DOCK4: variants seen among roughly 807,000 people sequenced by gnomAD.
The protein encoded by DOCK4 is dedicator of cytokinesis protein 4.
DOCK4 carries 97 observed loss-of-function variants against 268.1 expected under a neutral mutation model. The ratio of observed to expected loss-of-function variants is 0.36; its 90% CI spans 0.31 to 0.43. The LOEUF (loss-of-function observed/expected upper bound fraction) is 0.43, where lower values mean the gene tolerates loss of function less well. Ranked by LOEUF, DOCK4 falls within the 20% of genes least tolerant of loss-of-function variation. DOCK4 has a pLI of 1.00. For synonymous variants in DOCK4, 954 were observed against 887.2 expected (o/e 1.08, Z -1.34); for missense variants, 2,145 against 2,455.7 (o/e 0.87, Z 2.67).
chr7:111,905,844 G>A (rs1046808906), intron 13 of DOCK4, among the ~76,000 whole-genome samples: 5 of 152,098 alleles, frequency 3.3e-5, no homozygotes, highest in African/African-American at 1.2e-4. Flanking sequence ...TTAGATTACT[G>A]TTGATGATGT....
At chr7:111,916,036 A>G in intron 12 of DOCK4, 132 bp from the exon 13 acceptor site, 3 of 948,942 alleles carry the variant, frequency 3.2e-6, no homozygotes, top group Non-Finnish European at 4.7e-6. Context: ...GACGAAATCG[A>G]CAGAATCTAT....
chr7:112,163,062 G>A (rs1475015139), intron 1 of DOCK4, among the ~76,000 whole-genome samples: 1 of 152,090 alleles, frequency 6.6e-6, no homozygotes, highest in Non-Finnish European at 1.5e-5. Context: ...CAACTTTTAG[G>A]TGGGTTTTTC....
intron 12 of DOCK4, among the ~76,000 whole-genome samples, chr7:111,919,624 G>A (rs1792934121): frequency 6.6e-6 from 1 of 152,232 alleles, no homozygotes; most frequent in African/African-American, 2.4e-5. Context: ...AATGGGGGTT[G>A]AGGGGGAGGG....
At chr7:111,798,239 C>A (rs550277340) in intron 30 of DOCK4, among the ~76,000 whole-genome samples, 3 of 152,344 alleles carry the variant, frequency 2.0e-5, no homozygotes, top group African/African-American at 7.2e-5. Context: ...TCACTGGGTT[C>A]AGGACCAGTC....
At chr7:111,962,611 G>A (rs189555684) in intron 8 of DOCK4, among the ~76,000 whole-genome samples, 154 of 152,040 alleles carry the variant, frequency 1.0e-3, no homozygotes, top group African/African-American at 3.4e-3. Flanking sequence ...GATGTATTTC[G>A]GAATTCAGTA....
chr7:111,850,919 C>T (rs114576732), intron 23 of DOCK4, among the ~76,000 whole-genome samples: 2,418 of 152,230 alleles, frequency 0.016, 68 homozygotes, highest in African/African-American at 0.052. Flanking sequence ...TTCACACGGA[C>T]GCGTGTAACA....
intron 12 of DOCK4, among the ~76,000 whole-genome samples, chr7:111,933,205 T>TATATACACATATATACGC (rs1794373992): frequency 8.2e-5 from 12 of 145,472 alleles, no homozygotes; most frequent in Admixed American, 2.1e-4. Context: ...CATATATACG[T>TATATACACATATATACGC]ATATACACAT....
intron 1 of DOCK4, among the ~76,000 whole-genome samples, chr7:112,046,069 A>G (rs1247720134): frequency 6.6e-6 from 1 of 152,098 alleles, no homozygotes; most frequent in African/African-American, 2.4e-5. Flanking sequence ...TTAAATAACA[A>G]CTGTACAGAA....
intron 8 of DOCK4, among the ~76,000 whole-genome samples, chr7:111,960,162 G>C (rs983339553): frequency 1.3e-5 from 2 of 151,862 alleles, no homozygotes; most frequent in Admixed American, 6.6e-5. Flanking sequence ...TCAGGAGATG[G>C]AGACAATCCT....
Position 111,759,226 on chromosome 7 carries a change from T to C in DOCK4, c.4163-436A>G, listed in dbSNP as rs552222641. On this transcript the variant is annotated intron_variant, in intron 40 of 52. Transcript: ENST00000428084. ...GCTTATAATAACATGTAAATACCTA[T>C]GCAACCATGACCAAAGACAGAAACT... Among the ~76,000 whole-genome samples, 70 of 152,332 alleles carry C rather than the reference T, an allele frequency of 4.6e-4. 1 individual carries two copies. Among genetic ancestry groups the C allele is most frequent in the African/African-American group, 1.6e-3 (66 of 41,578 alleles).
intron 1 of DOCK4, among the ~76,000 whole-genome samples, chr7:112,037,404 A>G (rs959264911): frequency 3.3e-5 from 5 of 152,186 alleles, no homozygotes; most frequent in African/African-American, 1.2e-4. Flanking sequence ...TAGGATATAG[A>G]ATGTTACCAT....
At chr7:111,756,576 A>C (rs13232211) in intron 41 of DOCK4, among the ~76,000 whole-genome samples, 42,102 of 151,724 alleles carry the variant, frequency 0.28, 6,174 homozygotes, top group African/African-American at 0.33. Context: ...GGGACGAGCA[A>C]CCCCAGGACA....
intron 13 of DOCK4, among the ~76,000 whole-genome samples, chr7:111,909,452 G>A (rs1194042628): frequency 1.3e-5 from 2 of 152,208 alleles, no homozygotes; most frequent in East Asian, 3.9e-4. Flanking sequence ...TGACTTATTT[G>A]AACTATAAAG....
chr7:111,760,163 C>T lies in DOCK4; in HGVS notation c.4162+18G>A. 1 of 1,613,510 alleles carries T rather than the reference C, an allele frequency of 6.2e-7. No homozygotes were observed. On this transcript the variant is annotated intron_variant, in intron 40 of 52. Coordinates refer to ENST00000428084, the MANE Select transcript of DOCK4 (RefSeq NM_001363540.2). ...CCAGTGCAATCTCACTGAGTCCAGCCCTTGTAGGTGCGGATACACTGAGCT... is the reference window on the plus strand; with the variant it reads ...CCAGTGCAATCTCACTGAGTCCAGCTCTTGTAGGTGCGGATACACTGAGCT...
intron 1 of DOCK4, among the ~76,000 whole-genome samples, chr7:112,017,709 T>C (rs777897581): frequency 1.3e-5 from 2 of 152,108 alleles, no homozygotes; most frequent in African/African-American, 2.4e-5. Context: ...CAAGGGAACA[T>C]AGCTGCACTG....
At chr7:111,737,914 C>G (rs190233816) in intron 49 of DOCK4, among the ~76,000 whole-genome samples, 1 of 152,146 alleles carries the variant, frequency 6.6e-6, no homozygotes, top group African/African-American at 2.4e-5. Context: ...AAGACATCAG[C>G]GTTGTGCAGA....
chr7:112,006,721 CTT>C, intron 1 of DOCK4, among the ~76,000 whole-genome samples: 1 of 152,306 alleles, frequency 6.6e-6, no homozygotes, highest in East Asian at 1.9e-4. Context: ...TGGCATAGTA[CTT>C]ACCAAAGAAC....
At chr7:112,158,627 T>C (rs749259896) in intron 1 of DOCK4, among the ~76,000 whole-genome samples, 4 of 152,220 alleles carry the variant, frequency 2.6e-5, no homozygotes, top group Non-Finnish European at 4.4e-5. Flanking sequence ...TATTCATATA[T>C]AAGAAGTCTC....
intron 1 of DOCK4, among the ~76,000 whole-genome samples, chr7:112,200,388 A>T (rs530546983): frequency 8.2e-4 from 124 of 152,082 alleles, no homozygotes; most frequent in Non-Finnish European, 1.6e-3. Flanking sequence ...AGTCACTTAA[A>T]CTCTATGAAA....
Sources: gnomAD v4.1 joint callset for allele counts (sites outside exome capture counted in the v4.1 genomes callset) on GRCh38, gnomAD v4.1.1 for gene constraint, MANE v1.5 for transcripts, NCBI Gene and HGNC (gene_info 2026-07-23, HGNC 2026-07-21) for gene names.